Variants in GALNT18 observed in about 807,000 individuals in gnomAD.
The protein encoded by GALNT18 is GalNAc-transferase 18.
A neutral mutation model predicts 69.5 loss-of-function variants in GALNT18; 44 were observed. That is an observed-to-expected ratio of 0.63 (90% CI 0.50 to 0.81). The LOEUF (loss-of-function observed/expected upper bound fraction) is 0.81, where lower values mean the gene tolerates loss of function less well. Ranked by LOEUF, GALNT18 falls within the 40% of genes least tolerant of loss-of-function variation. The probability of loss-of-function intolerance (pLI) is 0.00; values close to 1 mark genes in which losing one functional copy is unlikely to be tolerated. For synonymous variants in GALNT18, 364 were observed against 318.2 expected (o/e 1.14, Z -1.53); for missense variants, 715 against 810.0 (o/e 0.88, Z 1.42).
At chr11:11,508,834 C>T (rs1857117612) in intron 1 of GALNT18, among the ~76,000 whole-genome samples, 2 of 152,316 alleles carry the variant, frequency 1.3e-5, no homozygotes, top group South Asian at 2.1e-4. Flanking sequence ...AGCTTCACTC[C>T]ATCACTGTAG....
chr11:11,488,035 C>T (rs1372548893), intron 1 of GALNT18, among the ~76,000 whole-genome samples: 3 of 152,208 alleles, frequency 2.0e-5, no homozygotes, highest in Non-Finnish European at 4.4e-5. Flanking sequence ...GCCTTACTAT[C>T]TATGACATTG....
chr11:11,447,216 C>T (rs1468187028), intron 2 of GALNT18, among the ~76,000 whole-genome samples: 1 of 152,180 alleles, frequency 6.6e-6, no homozygotes, highest in Non-Finnish European at 1.5e-5. Context: ...GGTACTCCCC[C>T]CATCCTCCAA....
At chr11:11,567,744 A>T (rs968498688) in intron 1 of GALNT18, among the ~76,000 whole-genome samples, 5 of 152,212 alleles carry the variant, frequency 3.3e-5, no homozygotes, top group African/African-American at 4.8e-5. Flanking sequence ...GGAATCAAGG[A>T]TCTGACTTTC....
rs79630808 is a variant in GALNT18, at chr11:11,579,363, T to C, written c.235+41996A>G. Among the ~76,000 whole-genome samples, 1,065 of 152,334 alleles carry C rather than the reference T, an allele frequency of 7.0e-3. 9 individuals are homozygous for C. Among genetic ancestry groups the C allele is most frequent in the African/African-American group, 0.024 (1,018 of 41,570 alleles). On this transcript the variant is annotated intron_variant, in intron 1 of 10. Coordinates refer to ENST00000227756, the MANE Select transcript of GALNT18 (RefSeq NM_198516.3). ...GACAGCAGGCTACTCGGCTGGGCTA[T>C]ATGGCTTGCTCACTGGCTTGCTCAC...
At chr11:11,506,053 T>C (rs929453706) in intron 1 of GALNT18, among the ~76,000 whole-genome samples, 10 of 152,198 alleles carry the variant, frequency 6.6e-5, no homozygotes, top group Admixed American at 5.9e-4. Flanking sequence ...CCCAGAACCA[T>C]CTGGCTGCTT....
chr11:11,467,541 C>T (rs1293888259), intron 1 of GALNT18, among the ~76,000 whole-genome samples: 1 of 152,210 alleles, frequency 6.6e-6, no homozygotes, highest in Non-Finnish European at 1.5e-5. Flanking sequence ...CAGGTCCCAG[C>T]CATAAATGTC....
chr11:11,483,142 T>C (rs1856569014), intron 1 of GALNT18, among the ~76,000 whole-genome samples: 1 of 150,420 alleles, frequency 6.6e-6, no homozygotes, highest in Non-Finnish European at 1.5e-5. Flanking sequence ...TGATGCCCAC[T>C]GCTGTGCCTA....
At chr11:11,359,498 C>T (rs561585692) in intron 6 of GALNT18, among the ~76,000 whole-genome samples, 1 of 152,272 alleles carries the variant, frequency 6.6e-6, no homozygotes, top group South Asian at 2.1e-4. Context: ...TTTCTGACTT[C>T]CTCTCTTTTC....
At chr11:11,390,984 T>C (rs1854178316) in intron 3 of GALNT18, among the ~76,000 whole-genome samples, 1 of 152,222 alleles carries the variant, frequency 6.6e-6, no homozygotes, top group South Asian at 2.1e-4. Flanking sequence ...TTGTGAATGC[T>C]TCACAGCTGG....
intron 1 of GALNT18, among the ~76,000 whole-genome samples, chr11:11,507,162 G>A (rs942802009): frequency 2.0e-5 from 3 of 152,166 alleles, no homozygotes; most frequent in Non-Finnish European, 4.4e-5. Context: ...AATAAGGAGT[G>A]AATTAATAAA....
intron 1 of GALNT18, among the ~76,000 whole-genome samples, chr11:11,570,547 C>T (rs758890862): frequency 1.1e-4 from 16 of 152,344 alleles, no homozygotes; most frequent in East Asian, 1.9e-4. Context: ...GCCTAGAAAG[C>T]TTTTTTCCAC....
intron 1 of GALNT18, among the ~76,000 whole-genome samples, chr11:11,560,075 T>A (rs1401937795): frequency 5.9e-4 from 29 of 49,390 alleles, no homozygotes; most frequent in Middle Eastern, 0.012. Flanking sequence ...TGGAATAGAA[T>A]GGGATATGAT....
At position 11,538,513 on chromosome 11, in the gene GALNT18, C is replaced by A. The variant is rs1857835800; in HGVS notation, c.235+82846G>T. ...CCAGCATACCACAAGCACCCTGTGGCCTCAGCAACTAGTGTGAACTTTTCC... is the reference window on the plus strand; with the variant it reads ...CCAGCATACCACAAGCACCCTGTGGACTCAGCAACTAGTGTGAACTTTTCC... On this transcript the variant is annotated intron_variant, in intron 1 of 10. Coordinates refer to ENST00000227756, the MANE Select transcript of GALNT18 (RefSeq NM_198516.3). The surrounding 1 kb of genome is among the most constrained non-coding windows in gnomAD (Gnocchi z 5.2). Among the ~76,000 whole-genome samples, 1 of 152,206 alleles carries A rather than the reference C, an allele frequency of 6.6e-6. No homozygotes were observed. The highest frequency in any genetic ancestry group is 2.4e-5 in the African/African-American group (1 of 41,456).
intron 10 of GALNT18, among the ~76,000 whole-genome samples, chr11:11,272,486 C>A (rs1848848422): frequency 1.3e-5 from 2 of 151,518 alleles, no homozygotes; most frequent in South Asian, 4.1e-4. Flanking sequence ...GCACTGAAGG[C>A]CTCCATGGCT....
Position 11,439,653 on chromosome 11 carries a change from T to A in GALNT18, c.429-6866A>T, listed in dbSNP as rs1204884812. Among the ~76,000 whole-genome samples the A allele has an allele frequency of 1.3e-5, 2 of 152,238 alleles. No individual in the cohort carries two copies. The highest frequency in any genetic ancestry group is 3.8e-4 in the East Asian group (2 of 5,204). ...TGCTTTGCTCATCAGGTATCCCTAA[T>A]ACTGGGTATGAAGTTCAGCACAGAG... On this transcript the variant is annotated intron_variant, in intron 2 of 10. Transcript: ENST00000227756. The surrounding 1 kb of genome is among the most constrained non-coding windows in gnomAD (Gnocchi z 4.4).
chr11:11,483,562 C>A (rs1438756163), intron 1 of GALNT18, among the ~76,000 whole-genome samples: 1 of 152,204 alleles, frequency 6.6e-6, no homozygotes, highest in East Asian at 1.9e-4. Flanking sequence ...GTGCCCCCTA[C>A]CCTGGCCCAG....
chr11:11,386,497 G>A (rs1353762642), intron 3 of GALNT18, among the ~76,000 whole-genome samples: 1 of 152,168 alleles, frequency 6.6e-6, no homozygotes, highest in Non-Finnish European at 1.5e-5. Context: ...GTTCTTGAAA[G>A]CATTTAAATT....
intron 1 of GALNT18, among the ~76,000 whole-genome samples, chr11:11,521,528 CAG>C (rs1196156568): frequency 1.3e-5 from 2 of 152,100 alleles, no homozygotes; most frequent in African/African-American, 4.8e-5. Flanking sequence ...CTCAGGAGGT[CAG>C]AGAGAGTTCT....
Position 11,435,980 on chromosome 11 carries a change from G to A in GALNT18, c.429-3193C>T, listed in dbSNP as rs186361493. Among the ~76,000 whole-genome samples, 163 of 152,282 alleles carry A rather than the reference G, an allele frequency of 1.1e-3. No individual in the cohort carries two copies. Among genetic ancestry groups the A allele is most frequent in the Admixed American group, 2.2e-3 (34 of 15,300 alleles). On this transcript the variant is annotated intron_variant, in intron 2 of 10. Coordinates refer to ENST00000227756, the MANE Select transcript of GALNT18 (RefSeq NM_198516.3). This position sits in a 1 kb window ranked among gnomAD's most constrained non-coding sequence, Gnocchi z 4.4. ...CCTGGGACTGCTGGGGCCTCCTGGC[G>A]ACAGCCATGCTGCCGCTGTGGCCTC...
Sources: gnomAD v4.1 joint callset for allele counts (sites outside exome capture counted in the v4.1 genomes callset) on GRCh38, gnomAD v4.1.1 for gene constraint, Gnocchi (gnomAD v3.1) non-coding constraint, MANE v1.5 for transcripts, NCBI Gene and HGNC (gene_info 2026-07-23, HGNC 2026-07-21) for gene names.